Variants in CRYL1 observed in about 807,000 individuals in gnomAD.
CRYL1 encodes lambda-crystallin homolog.
CRYL1 carries 29 observed loss-of-function variants against 36.6 expected under a neutral mutation model. The ratio of observed to expected loss-of-function variants is 0.79; its 90% CI spans 0.59 to 1.08. The LOEUF (loss-of-function observed/expected upper bound fraction) is 1.08, where lower values mean the gene tolerates loss of function less well. CRYL1 is among the 50% of genes least tolerant of loss of function. The pLI is 0.00. For missense variants in CRYL1, 411 were observed against 407.9 expected, an observed-to-expected ratio of 1.01 and a Z score of -0.06; for synonymous variants, 152 against 151.5, an observed-to-expected ratio of 1.00 and a Z score of -0.02.
chr13:20,513,936 G>A (rs532221650), intron 1 of CRYL1, among the ~76,000 whole-genome samples: 12 of 147,382 alleles, frequency 8.1e-5, no homozygotes, highest in African/African-American at 2.8e-4. Flanking sequence ...AAAACGCATC[G>A]ATGGGGCATG....
chr13:20,434,393 G>A (rs1784617953), intron 4 of CRYL1, among the ~76,000 whole-genome samples: 1 of 152,140 alleles, frequency 6.6e-6, no homozygotes, highest in African/African-American at 2.4e-5. Context: ...TCGGGGCTCT[G>A]TAAAACGCAC....
rs2031780887 is a variant in CRYL1, at chr13:20,420,700, G to GTTGTTTTTTTTTTTTTTTTT, written c.634-7314_634-7313insAAAAAAAAAAAAAAAAACAA. Among the ~76,000 whole-genome samples the GTTGTTTTTTTTTTTTTTTTT allele has an allele frequency of 5.5e-5, 2 of 36,430 alleles. 1 individual carries two copies. Among genetic ancestry groups the GTTGTTTTTTTTTTTTTTTTT allele is most frequent in the South Asian group, 3.2e-3 (2 of 620 alleles). 23.9% of individuals were successfully genotyped at this position (36,430 alleles called of 152,430 possible). On this transcript the variant is annotated intron_variant, in intron 5 of 7. Coordinates refer to ENST00000298248, the MANE Select transcript of CRYL1 (RefSeq NM_015974.3). ...CCTTTGACTTTTCTTTAAAATAGAGGTTGTGTGTGTGTGTGTGTGTGTGTG... is the reference window on the plus strand; with the variant it reads ...CCTTTGACTTTTCTTTAAAATAGAGGTTGTTTTTTTTTTTTTTTTTTTGTGTGTGTGTGTGTGTGTGTGTG...
At chr13:20,463,052 G>A (rs1020588818) in intron 3 of CRYL1, among the ~76,000 whole-genome samples, 2 of 152,036 alleles carry the variant, frequency 1.3e-5, no homozygotes, top group South Asian at 2.1e-4. Context: ...AAGAAGAAAC[G>A]GCAGCAGAAC....
At chr13:20,427,132 A>G in intron 5 of CRYL1, 1 of 985,514 alleles carries the variant, frequency 1.0e-6, no homozygotes, top group Non-Finnish European at 1.2e-6. Context: ...AATGTCCTTC[A>G]TTATGCTAAT....
At chr13:20,439,989 T>G (rs2032319385) in intron 3 of CRYL1, 1 of 431,878 alleles carries the variant, frequency 2.3e-6, no homozygotes, top group Non-Finnish European at 4.2e-6. Context: ...TTTCTGCCCT[T>G]CCCATGAAGC....
In CRYL1 at chr13:20,492,996, A is replaced by G. The variant is rs546703462; in HGVS notation, c.150-3500T>C. ...TCAATGCCCCCACCGGTGACCCTCC[A>G]TTTAGGGGATCCAAGTTCTCTTTTT... is the stretch of plus-strand genomic sequence containing the variant. On this transcript the variant is annotated intron_variant, in intron 2 of 7. Transcript: ENST00000298248. 3.3e-5 allele frequency among the ~76,000 whole-genome samples: 5 copies of G among 152,228 alleles called. No homozygotes were observed. In the East Asian group the frequency reaches 9.7e-4, roughly 29 times the overall value.
chr13:20,432,052 G>A, intron 5 of CRYL1, 50 bp downstream of exon 5: 1 of 1,613,418 alleles, frequency 6.2e-7, no homozygotes, highest in Non-Finnish European at 8.5e-7. Flanking sequence ...AGGGAGGGAA[G>A]AAGGAGGGAG....
At chr13:20,517,764 A>G (rs916517500) in intron 1 of CRYL1, among the ~76,000 whole-genome samples, 5 of 151,190 alleles carry the variant, frequency 3.3e-5, no homozygotes, top group African/African-American at 4.9e-5. Context: ...GTGAAACCCC[A>G]TCTCTACTAA....
intron 1 of CRYL1, among the ~76,000 whole-genome samples, chr13:20,519,056 G>A (rs559175737): frequency 1.3e-5 from 2 of 152,196 alleles, no homozygotes; most frequent in African/African-American, 2.4e-5. Flanking sequence ...TCAGAGCCAA[G>A]GGCTGGGCTG....
At chr13:20,407,263 AG>A (rs1468983415) in intron 6 of CRYL1, among the ~76,000 whole-genome samples, 14 of 151,840 alleles carry the variant, frequency 9.2e-5, no homozygotes, top group Non-Finnish European at 1.8e-4. Flanking sequence ...GATGAAGTTT[AG>A]GCGCCCACAC....
intron 5 of CRYL1, among the ~76,000 whole-genome samples, chr13:20,420,700 G>GGTT (rs2031779673): frequency 2.7e-5 from 1 of 36,430 alleles, no homozygotes; most frequent in African/African-American, 6.3e-5. Flanking sequence ...TAAAATAGAG[G>GGTT]TTGTGTGTGT....
chr13:20,470,927 C>CAAAAAAAAAAAAAAAAAA (rs1282081880), intron 3 of CRYL1, among the ~76,000 whole-genome samples: 1 of 113,810 alleles, frequency 8.8e-6, no homozygotes, highest in African/African-American at 3.4e-5. Context: ...AAAAAAAAAA[C>CAAAAAAAAAAAAAAAAAA]AAAAAAAAAA....
intron 3 of CRYL1, among the ~76,000 whole-genome samples, chr13:20,460,176 C>CT (rs1292939159): frequency 6.6e-6 from 1 of 152,028 alleles, no homozygotes; most frequent in Non-Finnish European, 1.5e-5. Flanking sequence ...ATCTGCAGGC[C>CT]TTTAGGTTGT....
At chr13:20,441,679 A>T (rs17051837) in intron 3 of CRYL1, among the ~76,000 whole-genome samples, 10,163 of 152,220 alleles carry the variant, frequency 0.067, 1,147 homozygotes, top group African/African-American at 0.23. Flanking sequence ...TTATATCAGA[A>T]CCACCCTTCA....
intron 3 of CRYL1, among the ~76,000 whole-genome samples, chr13:20,483,424 G>A (rs1255893173): frequency 6.6e-6 from 1 of 152,020 alleles, no homozygotes; most frequent in Non-Finnish European, 1.5e-5. Flanking sequence ...CCGCCTCCTG[G>A]GTTCACGCCA....
chr13:20,512,974 G>T (rs2033940505), intron 1 of CRYL1, among the ~76,000 whole-genome samples: 1 of 152,164 alleles, frequency 6.6e-6, no homozygotes, highest in Admixed American at 6.5e-5. Flanking sequence ...AATGATAAAT[G>T]TTAAAGGTGA....
At chr13:20,522,168 G>A (rs1354453178) in intron 1 of CRYL1, among the ~76,000 whole-genome samples, 3 of 152,156 alleles carry the variant, frequency 2.0e-5, no homozygotes, top group African/African-American at 7.2e-5. Flanking sequence ...TGGGCAACAT[G>A]GAGAAACCCT....
In CRYL1 at chr13:20,425,373, C is replaced by A. The variant is rs144730997; in HGVS notation, c.633+6729G>T. ...TCTTCCAGAGTCGACATCTGAATAA[C>A]CGTCAGTGAGCCTGCCTTGCTCTGT... On this transcript the variant is annotated intron_variant, in intron 5 of 7. Coordinates refer to ENST00000298248, the MANE Select transcript of CRYL1 (RefSeq NM_015974.3). This position sits in a 1 kb window ranked among gnomAD's most constrained non-coding sequence, Gnocchi z 4.4. Among the ~76,000 whole-genome samples the A allele has an allele frequency of 3.3e-4, 50 of 152,322 alleles. 1 individual carries two copies. In the East Asian group the frequency reaches 9.7e-3, roughly 29 times the overall value.
At chr13:20,444,588 A>G (rs953621389) in intron 3 of CRYL1, among the ~76,000 whole-genome samples, 1 of 152,006 alleles carries the variant, frequency 6.6e-6, no homozygotes, top group African/African-American at 2.4e-5. Flanking sequence ...TTGTGAAATC[A>G]TTTCTTTAGA....
Sources: gnomAD v4.1 joint callset for allele counts (sites outside exome capture counted in the v4.1 genomes callset) on GRCh38, gnomAD v4.1.1 for gene constraint, Gnocchi (gnomAD v3.1) non-coding constraint, MANE v1.5 for transcripts, NCBI Gene and HGNC (gene_info 2026-07-23, HGNC 2026-07-21) for gene names.